CCDC91: variants seen among roughly 807,000 people sequenced by gnomAD.
CCDC91 encodes coiled-coil domain-containing protein 91.
Under a neutral mutation model 63.2 loss-of-function variants are expected in CCDC91, and 48 were observed. The ratio of observed to expected loss-of-function variants is 0.76; its 90% CI spans 0.60 to 0.97. The LOEUF is 0.97. CCDC91 is among the 50% of genes least tolerant of loss of function. The probability of loss-of-function intolerance (pLI) is 0.00; values close to 1 mark genes in which losing one functional copy is unlikely to be tolerated. For missense variants in CCDC91, 500 were observed against 494.6 expected (o/e 1.01, Z -0.10); for synonymous variants, 167 against 165.8 (o/e 1.01, Z -0.06).
At chr12:28,292,128 A>T (rs1287636675) in intron 3 of CCDC91, among the ~76,000 whole-genome samples, 1 of 152,204 alleles carries the variant, frequency 6.6e-6, no homozygotes, top group Non-Finnish European at 1.5e-5. Context: ...GTCTAAAATA[A>T]ACATAAAATA....
rs116604493 is a variant in CCDC91 at position 28,325,931 on chromosome 12, A to T, written c.576+18182A>T. Among the ~76,000 whole-genome samples the T allele has an allele frequency of 3.7e-3, 561 of 152,284 alleles. 6 individuals are homozygous for T. The highest frequency in any genetic ancestry group is 0.013 in the African/African-American group (527 of 41,568). ...AAATTATGTTTAAACAATATGGCAC[A>T]GTAAGGAACTATAGGAAATAAAGGA... On this transcript the variant is annotated intron_variant, in intron 6 of 12. Coordinates refer to ENST00000536442, the MANE Select transcript of CCDC91 (RefSeq NM_018318.5).
intron 1 of CCDC91, among the ~76,000 whole-genome samples, chr12:28,213,926 G>T (rs1943399632): frequency 6.6e-6 from 1 of 152,150 alleles, no homozygotes; most frequent in Non-Finnish European, 1.5e-5. Flanking sequence ...TCTCCAGAAG[G>T]CTGTATATAT....
intron 6 of CCDC91, among the ~76,000 whole-genome samples, chr12:28,320,313 C>T (rs901559873): frequency 4.0e-5 from 6 of 151,800 alleles, no homozygotes; most frequent in Non-Finnish European, 8.8e-5. Flanking sequence ...ACCCAAGGAA[C>T]ATTCCCAGAG....
intron 12 of CCDC91, among the ~76,000 whole-genome samples, chr12:28,495,043 GTCT>G (rs1425847901): frequency 1.3e-5 from 2 of 151,698 alleles, no homozygotes; most frequent in East Asian, 1.9e-4. Flanking sequence ...GTACAACGTG[GTCT>G]TCTAGGTCTT....
At chr12:28,528,427 C>T (rs2141577194) in intron 12 of CCDC91, among the ~76,000 whole-genome samples, 1 of 152,314 alleles carries the variant, frequency 6.6e-6, no homozygotes, top group Middle Eastern at 3.4e-3. Context: ...TATTCTGGGG[C>T]AGACGATCTC....
intron 8 of CCDC91, among the ~76,000 whole-genome samples, chr12:28,413,628 G>A (rs1052527529): frequency 3.9e-5 from 6 of 152,032 alleles, no homozygotes; most frequent in South Asian, 2.1e-4. Flanking sequence ...AACAAACTGC[G>A]CACCTAAATT....
chr12:28,390,807 C>A (rs1282202787), intron 7 of CCDC91, among the ~76,000 whole-genome samples: 1 of 152,122 alleles, frequency 6.6e-6, no homozygotes, highest in Non-Finnish European at 1.5e-5. Context: ...GAGTTTCCAT[C>A]TGCTTTTACT....
At chr12:28,346,554 A>G (rs1942826474) in intron 6 of CCDC91, among the ~76,000 whole-genome samples, 1 of 152,198 alleles carries the variant, frequency 6.6e-6, no homozygotes, top group African/African-American at 2.4e-5. Flanking sequence ...TGGGAAATTT[A>G]TTGAATTCGT....
chr12:28,244,751 A>G (rs2136005137), intron 1 of CCDC91, among the ~76,000 whole-genome samples: 1 of 151,930 alleles, frequency 6.6e-6, no homozygotes, highest in African/African-American at 2.4e-5. Context: ...TCTGTCTCAC[A>G]TAATGGCATC....
intron 12 of CCDC91, among the ~76,000 whole-genome samples, chr12:28,512,568 C>T (rs542691852): frequency 2.6e-5 from 4 of 152,000 alleles, no homozygotes; most frequent in African/African-American, 9.6e-5. Context: ...TGAAACACAG[C>T]TTCACCCATT....
At position 28,360,270 on chromosome 12, in the gene CCDC91, A is replaced by G. The variant is rs77974056; in HGVS notation, c.577-2168A>G. Among the ~76,000 whole-genome samples, 60 of 152,364 alleles carry G rather than the reference A, an allele frequency of 3.9e-4. No homozygotes were observed. The East Asian group carries it at 7.9e-3, about 20-fold the overall frequency. ...ATGGAACCTGTTTAATCAGTAAGGTATAATAAATAAGGGGAATTGATGAAA... is the reference window on the plus strand; with the variant it reads ...ATGGAACCTGTTTAATCAGTAAGGTGTAATAAATAAGGGGAATTGATGAAA... On this transcript the variant is annotated intron_variant, in intron 6 of 12. Coordinates refer to ENST00000536442, the MANE Select transcript of CCDC91 (RefSeq NM_018318.5).
chr12:28,314,726 A>AAATGAAAC (rs1939665113), intron 6 of CCDC91, among the ~76,000 whole-genome samples: 1 of 152,084 alleles, frequency 6.6e-6, no homozygotes, highest in African/African-American at 2.4e-5. Flanking sequence ...TGTGTGTAAA[A>AAATGAAAC]AATGAAACAA....
intron 8 of CCDC91, among the ~76,000 whole-genome samples, chr12:28,443,395 A>G (rs1384491996): frequency 6.6e-6 from 1 of 152,064 alleles, no homozygotes; most frequent in Non-Finnish European, 1.5e-5. Flanking sequence ...TTAATACTCC[A>G]TTGGCATCTG....
chr12:28,309,158 A>G lies in CCDC91; in HGVS notation c.576+1409A>G, dbSNP rs546418586. Among the ~76,000 whole-genome samples the G allele has an allele frequency of 5.3e-5, 8 of 152,146 alleles. 1 individual carries two copies. In the South Asian group the frequency reaches 1.0e-3, roughly 20 times the overall value. ...TCCTGTAGATAAGTTTCTTAAAAAT[A>G]CAAAACTTGGAAATAAGAAAAACGC... On this transcript the variant is annotated intron_variant, in intron 6 of 12. Coordinates refer to ENST00000536442, the MANE Select transcript of CCDC91 (RefSeq NM_018318.5).
At chr12:28,293,914 TTTTTC>T (rs1434326198) in intron 3 of CCDC91, among the ~76,000 whole-genome samples, 1 of 152,086 alleles carries the variant, frequency 6.6e-6, no homozygotes, top group Non-Finnish European at 1.5e-5. Context: ...CTTGCCTGTA[TTTTTC>T]ATTGTTTTTT....
At chr12:28,514,567 G>A (rs1334180422) in intron 12 of CCDC91, among the ~76,000 whole-genome samples, 10 of 151,530 alleles carry the variant, frequency 6.6e-5, no homozygotes, top group South Asian at 2.1e-4. Flanking sequence ...TTGTCCATTC[G>A]TATGTCCAGA....
chr12:28,337,321 T>C (rs1942058550), intron 6 of CCDC91, among the ~76,000 whole-genome samples: 1 of 152,126 alleles, frequency 6.6e-6, no homozygotes, highest in Admixed American at 6.5e-5. Flanking sequence ...ATACTGCTCC[T>C]ATAGCATTAT....
At chr12:28,449,965 A>C (rs1949719185) in intron 8 of CCDC91, among the ~76,000 whole-genome samples, 196 bp from the exon 9 acceptor site, 1 of 151,914 alleles carries the variant, frequency 6.6e-6, no homozygotes, top group Admixed American at 6.6e-5. Flanking sequence ...CTTGGGGCTA[A>C]GAAATGTATC....
chr12:28,447,722 G>T (rs1291084656), intron 8 of CCDC91, among the ~76,000 whole-genome samples: 1 of 77,450 alleles, frequency 1.3e-5, no homozygotes, highest in African/African-American at 5.6e-5. Context: ...GAAGGGCAGG[G>T]CAGGGCAGGG....
Sources: allele counts gnomAD v4.1 joint callset (sites outside exome capture counted in the v4.1 genomes callset), GRCh38; gene constraint gnomAD v4.1.1; transcripts MANE v1.5; gene names NCBI Gene and HGNC (gene_info 2026-07-23, HGNC 2026-07-21).